The following SLFN12L variants were observed in gnomAD, a reference collection of about 807,000 sequenced individuals.
SLFN12L encodes the protein schlafen family member 12 like, also known as schlafen family member 12-like.
SLFN12L carries 34 observed loss-of-function variants against 34.8 expected under a neutral mutation model. The ratio of observed to expected loss-of-function variants is 0.98; its 90% CI spans 0.74 to 1.30. The LOEUF (loss-of-function observed/expected upper bound fraction) is 1.30, where lower values mean the gene tolerates loss of function less well. Among genes scored for constraint, SLFN12L ranks in the 50% most tolerant of loss-of-function variants. The pLI is 0.00. For synonymous variants in SLFN12L, 259 were observed against 247.5 expected (o/e 1.05, Z -0.44); for missense variants, 703 against 696.2 (o/e 1.01, Z -0.11).
At chr17:35,530,414 G>A (rs2072383825) in intron 1 of SLFN12L, among the ~76,000 whole-genome samples, 3 of 12,126 alleles carry the variant, frequency 2.5e-4, no homozygotes, top group African/African-American at 8.6e-4. Context: ...AGGAAGGAAG[G>A]AAGGAAGGAA....
chr17:35,525,609 A>T (rs6505480), intron 1 of SLFN12L, among the ~76,000 whole-genome samples: 141,001 of 152,300 alleles, frequency 0.93, 65,344 homozygotes, highest in East Asian at 1. Context: ...CCAGCCAAAC[A>T]AAGTTTCACA....
chr17:35,483,986 G>A (rs1382534015), intron 2 of SLFN12L, among the ~76,000 whole-genome samples: 5 of 152,168 alleles, frequency 3.3e-5, no homozygotes, highest in Admixed American at 3.3e-4. Context: ...TGCAAATCAT[G>A]GTGGTGACAT....
In SLFN12L at chr17:35,466,760, C is replaced by T. The variant is rs1432629825; in HGVS notation, c.*8163G>A. ...TGCATTGATTCCTTTACTGAAGAGA[C>T]TTTAACAAGCTCTACTCATGCCTCC... On this transcript the variant is annotated 3_prime_UTR_variant, in exon 5 of 5. Coordinates refer to ENST00000628453, the MANE Select transcript of SLFN12L (RefSeq NM_001363830.2). Among the ~76,000 whole-genome samples, 1 of 152,144 alleles carries T rather than the reference C, an allele frequency of 6.6e-6. No individual in the cohort carries two copies. The highest frequency in any genetic ancestry group is 2.4e-5 in the African/African-American group (1 of 41,430).
At chr17:35,518,281 G>C (rs1915894100) in intron 2 of SLFN12L, among the ~76,000 whole-genome samples, 1 of 152,194 alleles carries the variant, frequency 6.6e-6, no homozygotes, top group Non-Finnish European at 1.5e-5. Context: ...ACCAGGTGTG[G>C]TGGCCCACGC....
chr17:35,527,629 A>G (rs1027171469), intron 1 of SLFN12L, among the ~76,000 whole-genome samples: 1 of 152,196 alleles, frequency 6.6e-6, no homozygotes, highest in Non-Finnish European at 1.5e-5. Context: ...AGATGCAGAA[A>G]AGGCCTTCAA....
At chr17:35,487,799 G>A (rs1379081834) in intron 2 of SLFN12L, 4 of 1,516,176 alleles carry the variant, frequency 2.6e-6, no homozygotes, top group South Asian at 2.4e-5. Context: ...CCTGCTCTCC[G>A]CGTCCGTGTG....
At chr17:35,481,661 C>T (rs1914343539) in intron 2 of SLFN12L, among the ~76,000 whole-genome samples, 1 of 152,132 alleles carries the variant, frequency 6.6e-6, no homozygotes, top group Admixed American at 6.5e-5. Context: ...GCCTGGCATT[C>T]GGGGCCACTA....
chr17:35,484,182 C>T (rs77020288), intron 2 of SLFN12L, among the ~76,000 whole-genome samples: 2,028 of 152,288 alleles, frequency 0.013, 18 homozygotes, highest in Non-Finnish European at 0.02. Flanking sequence ...ACCTTTGTCA[C>T]CTGATAAACT....
chr17:35,480,925 A>G (rs1914308616), intron 2 of SLFN12L, among the ~76,000 whole-genome samples: 1 of 152,090 alleles, frequency 6.6e-6, no homozygotes, highest in African/African-American at 2.4e-5. Context: ...CTAAAAATAG[A>G]TTATAGATAT....
intron 2 of SLFN12L, among the ~76,000 whole-genome samples, chr17:35,521,437 A>G (rs1915993793): frequency 6.6e-6 from 1 of 152,248 alleles, no homozygotes; most frequent in Admixed American, 6.5e-5. Context: ...AATATTTTAA[A>G]ATAAAAAGTT....
Position 35,479,872 on chromosome 17 carries a change from T to C in SLFN12L, c.410A>G (p.Asp137Gly). Residue 137 changes from aspartate (D) to glycine (G), a missense_variant, in exon 3 of 5, where the codon GAC becomes GGC. Physicochemically the swap from Asp to Gly is moderately conservative, Grantham distance 94. Coordinates refer to ENST00000628453, the MANE Select transcript of SLFN12L (RefSeq NM_001363830.2). ...AAAGTAGTTACCATTCTGCATGAAGTCCAGGAAATTAGGAACAAATGGCAG... is the reference window on the plus strand; with the variant it reads ...AAAGTAGTTACCATTCTGCATGAAGCCCAGGAAATTAGGAACAAATGGCAG... ...NMLPFVPNFL[D>G]FMQNGNYFHI... The C allele has an allele frequency of 6.2e-7, 1 of 1,609,404 alleles. No homozygotes were observed.
intron 2 of SLFN12L, among the ~76,000 whole-genome samples, chr17:35,513,378 A>C (rs1170005293): frequency 6.6e-6 from 1 of 152,174 alleles, no homozygotes; most frequent in Non-Finnish European, 1.5e-5. Context: ...ATAAAAAAAA[A>C]CAAGGTTAAT....
At chr17:35,515,190 C>T (rs529547038) in intron 2 of SLFN12L, 3 of 603,240 alleles carry the variant, frequency 5.0e-6, no homozygotes, top group Non-Finnish European at 9.6e-6. Flanking sequence ...GACCCAGCCT[C>T]TTCCCCAGAA....
chr17:35,518,851 T>C lies in SLFN12L; in HGVS notation c.86+3428A>G, dbSNP rs202217465. On this transcript the variant is annotated intron_variant, in intron 2 of 4. Transcript: ENST00000628453. ...AACCAAGCAATCCCATTACTGGGTATATACCCAAAGGATTATAAATCATTC... is the reference window on the plus strand; with the variant it reads ...AACCAAGCAATCCCATTACTGGGTACATACCCAAAGGATTATAAATCATTC... Among the ~76,000 whole-genome samples, 29 of 152,322 alleles carry C rather than the reference T, an allele frequency of 1.9e-4. 2 individuals carry two copies. In the East Asian group the frequency reaches 5.4e-3, roughly 28 times the overall value.
chr17:35,470,635 C>T lies in SLFN12L; in HGVS notation c.*4288G>A, dbSNP rs1371838182. ...TGCCTGAGGTTCAGGGCTGGAAAGA[C>T]TCCAAGAGTGTGAACATGCTCCCAC... is the stretch of plus-strand genomic sequence containing the variant. On this transcript the variant is annotated 3_prime_UTR_variant, in exon 5 of 5. Transcript: ENST00000628453. 1 of 151,848 alleles carries T rather than the reference C, an allele frequency of 6.6e-6. No homozygotes were observed. Among genetic ancestry groups the T allele is most frequent in the Middle Eastern group, 3.2e-3 (1 of 316 alleles). 9.4% of individuals were successfully genotyped at this position (151,848 alleles called of 1,614,324 possible).
intron 2 of SLFN12L, among the ~76,000 whole-genome samples, chr17:35,494,081 T>C (rs1450777496): frequency 6.6e-6 from 1 of 152,196 alleles, no homozygotes; most frequent in African/African-American, 2.4e-5. Context: ...GGGTAGCAGT[T>C]GTCAGAGTGT....
intron 1 of SLFN12L, among the ~76,000 whole-genome samples, chr17:35,530,225 T>C (rs998540861): frequency 8.8e-5 from 13 of 148,250 alleles, no homozygotes; most frequent in Non-Finnish European, 6.0e-5. Flanking sequence ...CAGGCACCTG[T>C]AGTCCTAGCT....
intron 2 of SLFN12L, among the ~76,000 whole-genome samples, chr17:35,486,801 G>A (rs1914599149): frequency 1.3e-5 from 2 of 152,154 alleles, no homozygotes; most frequent in African/African-American, 2.4e-5. Context: ...TAATGGGAAT[G>A]GGGGTGGCAT....
At chr17:35,531,760 G>A (rs923600243) in intron 1 of SLFN12L, among the ~76,000 whole-genome samples, 1 of 151,596 alleles carries the variant, frequency 6.6e-6, no homozygotes, top group Non-Finnish European at 1.5e-5. Flanking sequence ...GGAATTACAG[G>A]TTCCTGCCAC....
Sources: allele counts gnomAD v4.1 joint callset (sites outside exome capture counted in the v4.1 genomes callset), GRCh38; gene constraint gnomAD v4.1.1; transcripts MANE v1.5; gene names NCBI Gene and HGNC (gene_info 2026-07-23, HGNC 2026-07-21).